The following MRTFB variants were observed in gnomAD, a reference collection of about 807,000 sequenced individuals.
The protein encoded by MRTFB is myocardin-related transcription factor B.
Under a neutral mutation model 104.2 loss-of-function variants are expected in MRTFB, and 29 were observed. The ratio of observed to expected loss-of-function variants is 0.28; its 90% CI spans 0.21 to 0.38. MRTFB has a LOEUF of 0.38. Among genes scored for constraint, MRTFB ranks in the 10% least tolerant of loss-of-function variants. The probability of loss-of-function intolerance (pLI) is 1.00; values close to 1 mark genes in which losing one functional copy is unlikely to be tolerated. For missense variants in MRTFB, 1,270 were observed against 1,341.6 expected (o/e 0.95, Z 0.83); for synonymous variants, 535 against 519.5 (o/e 1.03, Z -0.41).
chr16:14,201,312 TTG>T (rs2151112663), intron 3 of MRTFB, among the ~76,000 whole-genome samples: 1 of 152,324 alleles, frequency 6.6e-6, no homozygotes, highest in Admixed American at 6.5e-5. Context: ...GACCTTTGCA[TTG>T]TGATCCATAG....
intron 3 of MRTFB, among the ~76,000 whole-genome samples, chr16:14,198,556 T>C (rs1325753833): frequency 6.6e-6 from 1 of 152,250 alleles, no homozygotes; most frequent in Non-Finnish European, 1.5e-5. Context: ...CCTTTACTAG[T>C]TGGAGCATTT....
Position 14,109,777 on chromosome 16 carries a change from G to A in MRTFB, c.-64+30423G>A, listed in dbSNP as rs943931529. 5.9e-5 allele frequency among the ~76,000 whole-genome samples: 9 copies of A among 152,322 alleles called. No individual in the cohort carries two copies. In the South Asian group the frequency reaches 1.9e-3, roughly 32 times the overall value. On this transcript the variant is annotated intron_variant, in intron 2 of 16. Coordinates refer to ENST00000571589, the MANE Select transcript of MRTFB (RefSeq NM_001308142.2). ...ATCTAGAAACTCCTGTTTTATTCAT[G>A]AATGTTGCCTGTAAAGAAATGTAGA...
At chr16:14,135,037 T>A (rs1433685384) in intron 2 of MRTFB, among the ~76,000 whole-genome samples, 1 of 152,192 alleles carries the variant, frequency 6.6e-6, no homozygotes, top group Admixed American at 6.5e-5. Flanking sequence ...GGAAACTAGG[T>A]CTCTAAGAGA....
intron 3 of MRTFB, among the ~76,000 whole-genome samples, chr16:14,154,156 G>T (rs1480405278): frequency 1.3e-5 from 2 of 152,078 alleles, no homozygotes; most frequent in Non-Finnish European, 2.9e-5. Context: ...AATAAAGCTA[G>T]ACCCTGTCTC....
At chr16:14,049,179 G>C in the MRTFB span, among the ~76,000 whole-genome samples, 588 of 152,276 alleles carry the variant, frequency 3.9e-3, 3 homozygotes, top group African/African-American at 0.014. Context: ...GAATTATCTG[G>C]CCCCAAGTGC....
At position 14,265,147 on chromosome 16, in the gene MRTFB, G is replaced by A. The variant is rs1232619910; in HGVS notation, c.*3703G>A. On this transcript the variant is annotated 3_prime_UTR_variant, in exon 17 of 17. Transcript: ENST00000571589. ...AAGTCCTGGCTGTCACTCAGGTGGG[G>A]AGCTCATGGTGCCGCTGGGGACTTT... is the stretch of plus-strand genomic sequence containing the variant. 6.6e-6 allele frequency: 1 copy of A among 152,206 alleles called. No homozygotes were observed. The highest frequency in any genetic ancestry group is 6.5e-5 in the Admixed American group (1 of 15,280). 9.4% of individuals were successfully genotyped at this position (152,206 alleles called of 1,614,324 possible). A position where few individuals can be genotyped will look rare whatever the true frequency, so the allele number is the denominator to read the frequency against.
At chr16:14,243,029 A>T (rs1034231332) in intron 10 of MRTFB, among the ~76,000 whole-genome samples, 1 of 152,158 alleles carries the variant, frequency 6.6e-6, no homozygotes, top group Admixed American at 6.5e-5. Flanking sequence ...TGGTGTTGAA[A>T]CTTCATGGGG....
rs765187303 is a variant in MRTFB, at chr16:14,246,937, T to C, written c.1677T>C (p.Thr559=). The part of the protein sequence containing the change: ...NEDSLSPTSS[T]LSNLELDAAE... ...ACAGTCTGAGTCCCACCAGCAGCAC[T>C]CTGTCAAACCTGGAACTGGATGCAG... The change falls in exon 12 of 17, where the codon ACT becomes ACC. Residue 559 remains threonine (T), a synonymous_variant. Transcript: ENST00000571589. 3.1e-6 allele frequency: 5 copies of C among 1,613,928 alleles called. No individual in the cohort carries two copies. In the Admixed American group the frequency reaches 5.0e-5, roughly 16 times the overall value.
At chr16:14,212,239 T>G in intron 4 of MRTFB, 115 bp from the exon 5 acceptor site, 1 of 985,068 alleles carries the variant, frequency 1.0e-6, no homozygotes, top group Non-Finnish European at 1.5e-6. Flanking sequence ...ACTGGTAAAT[T>G]AATGGAACTG....
At chr16:14,225,143 G>A (rs895728789) in intron 8 of MRTFB, among the ~76,000 whole-genome samples, 17 of 152,236 alleles carry the variant, frequency 1.1e-4, no homozygotes, top group African/African-American at 3.6e-4. Context: ...CCATGATCGC[G>A]CCATTGCACT....
chr16:14,165,025 G>A (rs1212200717), intron 3 of MRTFB, among the ~76,000 whole-genome samples: 1 of 151,450 alleles, frequency 6.6e-6, no homozygotes, highest in Non-Finnish European at 1.5e-5. Flanking sequence ...TAAGATTTTA[G>A]CACTTTTTTC....
chr16:14,159,929 C>CAAAAAAAAAAAAA (rs552159164), intron 3 of MRTFB, among the ~76,000 whole-genome samples: 53 of 55,612 alleles, frequency 9.5e-4, no homozygotes, highest in Non-Finnish European at 1.6e-3. Flanking sequence ...GACTCCGTCT[C>CAAAAAAAAAAAAA]AAAAAAAAAA....
intron 10 of MRTFB, chr16:14,240,898 T>C (rs2042738846): frequency 6.5e-6 from 4 of 615,496 alleles, no homozygotes; most frequent in East Asian, 5.4e-5. Context: ...GATCTTTGTA[T>C]ATAGAAGGCT....
rs569552604 is a variant in MRTFB at position 14,239,878 on chromosome 16, T to C, written c.832-359T>C. Among the ~76,000 whole-genome samples the C allele has an allele frequency of 1.1e-4, 17 of 152,348 alleles. 1 individual carries two copies. The highest frequency in any genetic ancestry group is 3.6e-4 in the African/African-American group (15 of 41,578). On this transcript the variant is annotated intron_variant, in intron 9 of 16. Transcript: ENST00000571589. ...GTTTTGGTGAAGTATACTTAACCTT[T>C]TCCCATTGTATATTTAGCATGCAGC...
In MRTFB at chr16:14,247,441, C is replaced by T; in HGVS notation, c.2181C>T (p.Leu727=). The change falls in exon 12 of 17, where the codon CTC becomes CTT. Residue 727 remains leucine, a synonymous_variant. Coordinates refer to ENST00000571589, the MANE Select transcript of MRTFB (RefSeq NM_001308142.2). The stretch of plus-strand genomic sequence containing the variant: ...CCACGCAGACTGCTCAGCTGCTGCT[C>T]CCAGTGTCCATCCAGGGCTCGAGTG... ...LLTTQTAQLL[L]PVSIQGSSVT... 2 of 1,605,218 alleles carry T rather than the reference C, an allele frequency of 1.2e-6. No homozygotes were observed. Among genetic ancestry groups the T allele is most frequent in the Non-Finnish European group, 1.7e-6 (2 of 1,178,702 alleles).
chr16:14,002,316 G>C, the MRTFB span, among the ~76,000 whole-genome samples: 34 of 152,124 alleles, frequency 2.2e-4, 1 homozygote, highest in East Asian at 4.1e-3. Context: ...CCAGGAGGCG[G>C]AGGTTGCAGT....
intron 2 of MRTFB, among the ~76,000 whole-genome samples, chr16:14,082,913 T>C (rs559855443): frequency 6.6e-6 from 1 of 152,304 alleles, no homozygotes; most frequent in African/African-American, 2.4e-5. Context: ...ATTGGTATTT[T>C]GATAAGGATT....
chr16:14,113,055 T>C (rs73514915), intron 2 of MRTFB, among the ~76,000 whole-genome samples: 4,071 of 152,336 alleles, frequency 0.027, 193 homozygotes, highest in African/African-American at 0.093. Flanking sequence ...TTTATGTATT[T>C]ATTTTGAGAC....
intron 2 of MRTFB, among the ~76,000 whole-genome samples, chr16:14,098,731 A>G (rs77209915): frequency 0.022 from 3,281 of 152,314 alleles, 104 homozygotes; most frequent in African/African-American, 0.076. Flanking sequence ...AAATTTTGCA[A>G]TATGGCCCAT....
Sources: gnomAD v4.1 joint callset for allele counts (sites outside exome capture counted in the v4.1 genomes callset) on GRCh38, gnomAD v4.1.1 for gene constraint, MANE v1.5 for transcripts, NCBI Gene and HGNC (gene_info 2026-07-23, HGNC 2026-07-21) for gene names.